Variants in LARP4 observed in about 807,000 individuals in gnomAD.
The protein encoded by LARP4 is la-related protein 4.
LARP4 carries 29 observed loss-of-function variants against 92.9 expected under a neutral mutation model. The observed-to-expected ratio is 0.31, with a 90% CI of 0.23 to 0.43. LARP4 has a LOEUF of 0.43. Among genes scored for constraint, LARP4 ranks in the 20% least tolerant of loss-of-function variants. The probability of loss-of-function intolerance (pLI) is 1.00; values close to 1 mark genes in which losing one functional copy is unlikely to be tolerated. For synonymous variants in LARP4, 279 were observed against 284.1 expected, an observed-to-expected ratio of 0.98 and a Z score of 0.18; for missense variants, 732 against 860.0, an observed-to-expected ratio of 0.85 and a Z score of 1.86.
At chr12:50,444,143 T>C (rs1951663577) in intron 8 of LARP4, among the ~76,000 whole-genome samples, 1 of 152,234 alleles carries the variant, frequency 6.6e-6, no homozygotes, top group Non-Finnish European at 1.5e-5. Context: ...CTGGTTGTTT[T>C]AGCCTACATT....
chr12:50,473,217 T>C (rs574426378), intron 13 of LARP4, among the ~76,000 whole-genome samples, 198 bp from the exon 14 acceptor site: 2 of 152,312 alleles, frequency 1.3e-5, no homozygotes, highest in East Asian at 1.9e-4. Context: ...CTCCATATCA[T>C]CCCCAACATT....
chr12:50,413,721 G>T (rs1025534309), intron 1 of LARP4, among the ~76,000 whole-genome samples: 1 of 152,146 alleles, frequency 6.6e-6, no homozygotes, highest in Non-Finnish European at 1.5e-5. Flanking sequence ...TCATGAAGTT[G>T]CAAAACAGTG....
chr12:50,411,511 T>C (rs1945889795), intron 1 of LARP4, among the ~76,000 whole-genome samples: 1 of 151,540 alleles, frequency 6.6e-6, no homozygotes, highest in Admixed American at 6.6e-5. Context: ...CCCCATCTAG[T>C]AGAGATGGGG....
chr12:50,417,585 G>A (rs1947051588), intron 1 of LARP4, among the ~76,000 whole-genome samples: 1 of 151,990 alleles, frequency 6.6e-6, no homozygotes, highest in Non-Finnish European at 1.5e-5. Flanking sequence ...CCCCTGTAAG[G>A]GCTGTTATCT....
chr12:50,418,134 T>TA (rs962391887), intron 1 of LARP4, among the ~76,000 whole-genome samples: 1 of 152,212 alleles, frequency 6.6e-6, no homozygotes, highest in Non-Finnish European at 1.5e-5. Flanking sequence ...GTGTTGGAAT[T>TA]ACAGGTGTGA....
chr12:50,405,776 T>G (rs1944718474), intron 1 of LARP4, among the ~76,000 whole-genome samples: 2 of 152,186 alleles, frequency 1.3e-5, no homozygotes, highest in South Asian at 4.1e-4. Flanking sequence ...CCTCAGTATT[T>G]GTGGGAAATT....
chr12:50,438,492 CA>C (rs11429986), intron 6 of LARP4, among the ~76,000 whole-genome samples: 34 of 139,798 alleles, frequency 2.4e-4, no homozygotes, highest in African/African-American at 5.7e-4. Context: ...CTCTTTGTCT[CA>C]AAAAAAAAAA....
intron 11 of LARP4, 38 bp from the exon 12 acceptor site, chr12:50,462,544 T>TGCC: frequency 3.6e-5 from 28 of 773,948 alleles, no homozygotes; most frequent in East Asian, 1.1e-4. Context: ...GACTTGTCCC[T>TGCC]CCACCCCACC....
chr12:50,425,063 C>T (rs1191666674), intron 1 of LARP4, among the ~76,000 whole-genome samples: 1 of 152,076 alleles, frequency 6.6e-6, no homozygotes, highest in East Asian at 1.9e-4. Flanking sequence ...AGGAGAATAG[C>T]TTGAACCCAG....
At chr12:50,422,339 T>A (rs1218198010) in intron 1 of LARP4, among the ~76,000 whole-genome samples, 1 of 152,208 alleles carries the variant, frequency 6.6e-6, no homozygotes, top group Non-Finnish European at 1.5e-5. Flanking sequence ...AGAATTAGTT[T>A]AACACGTTTG....
rs532818078 is a variant in LARP4, at chr12:50,427,471, C to G, written c.19-291C>G. Among the ~76,000 whole-genome samples the G allele has an allele frequency of 4.9e-4, 75 of 152,212 alleles. 1 individual carries two copies. The South Asian group carries it at 0.015, about 31-fold the overall frequency. On this transcript the variant is annotated intron_variant, in intron 1 of 15. Transcript: ENST00000398473. ...AACTTCCTGGGCTTATGTGATCCTC[C>G]TGCCTCAGCCTCCCAAAGTGCTGGA...
At position 50,440,434 on chromosome 12, in the gene LARP4, T is replaced by TTTCTTG; in HGVS notation, c.640-3_640-2insCTTGTT. ...AGAGTTAACTAATTTTCTTTTTCTTTTTAGGAAGTGAAAGGTTTGTTCAAA... is the reference window on the plus strand; with the variant it reads ...AGAGTTAACTAATTTTCTTTTTCTTTTTCTTGTTAGGAAGTGAAAGGTTTGTTCAAA... On this transcript the variant is annotated splice_polypyrimidine_tract_variant and splice_region_variant and intron_variant, in intron 6 of 15. Coordinates refer to ENST00000398473, the MANE Select transcript of LARP4 (RefSeq NM_052879.5). 6.2e-7 allele frequency: 1 copy of TTTCTTG among 1,606,286 alleles called. No individual in the cohort carries two copies. Among genetic ancestry groups the TTTCTTG allele is most frequent in the Non-Finnish European group, 8.5e-7 (1 of 1,174,786 alleles).
intron 13 of LARP4, among the ~76,000 whole-genome samples, chr12:50,472,478 A>G (rs1272447350): frequency 6.6e-6 from 1 of 151,724 alleles, no homozygotes; most frequent in Non-Finnish European, 1.5e-5. Context: ...ATTCATGTTG[A>G]GCGTGAGTCA....
chr12:50,474,935 G>A (rs1957384814), intron 15 of LARP4, among the ~76,000 whole-genome samples: 1 of 152,152 alleles, frequency 6.6e-6, no homozygotes, highest in African/African-American at 2.4e-5. Context: ...TTTTAGTACA[G>A]CACTTTTAAA....
intron 1 of LARP4, among the ~76,000 whole-genome samples, chr12:50,414,438 GA>G (rs1946428084): frequency 6.6e-6 from 1 of 152,122 alleles, no homozygotes; most frequent in African/African-American, 2.4e-5. Context: ...TGGGTACCTG[GA>G]ACTAGAGGTG....
At chr12:50,425,006 A>C (rs76151912) in intron 1 of LARP4, among the ~76,000 whole-genome samples, 5 of 151,884 alleles carry the variant, frequency 3.3e-5, no homozygotes, top group Admixed American at 1.3e-4. Context: ...AATTTGCCCA[A>C]CGTGGTGCCG....
intron 9 of LARP4, 128 bp downstream of exon 9, chr12:50,453,800 T>G: frequency 3.3e-6 from 2 of 606,602 alleles, no homozygotes; most frequent in Non-Finnish European, 5.4e-6. Flanking sequence ...TTTATTTTAT[T>G]TTTTGTATTT....
chr12:50,457,587 G>A (rs2138498163), intron 10 of LARP4, among the ~76,000 whole-genome samples: 1 of 152,158 alleles, frequency 6.6e-6, no homozygotes, highest in Non-Finnish European at 1.5e-5. Flanking sequence ...GCCAAGGCAG[G>A]CAGATCACTT....
intron 12 of LARP4, among the ~76,000 whole-genome samples, chr12:50,464,432 C>T (rs1012308068): frequency 6.6e-6 from 1 of 152,186 alleles, no homozygotes; most frequent in Non-Finnish European, 1.5e-5. Flanking sequence ...CTTTTGTTAC[C>T]CAGGCTAGAG....
Sources: gnomAD v4.1 joint callset for allele counts (sites outside exome capture counted in the v4.1 genomes callset) on GRCh38, gnomAD v4.1.1 for gene constraint, MANE v1.5 for transcripts, NCBI Gene and HGNC (gene_info 2026-07-23, HGNC 2026-07-21) for gene names.